The following CADM2 variants were observed in gnomAD, a reference collection of about 807,000 sequenced individuals.
The protein encoded by CADM2 is cell adhesion molecule 2.
A neutral mutation model predicts 49.8 loss-of-function variants in CADM2; 12 were observed. That is an observed-to-expected ratio of 0.24 (90% CI 0.15 to 0.39). CADM2 has a LOEUF of 0.39. CADM2 is among the 10% of genes least tolerant of loss of function. CADM2 has a pLI of 1.00. For synonymous variants in CADM2, 214 were observed against 175.4 expected, an observed-to-expected ratio of 1.22 and a Z score of -1.74; for missense variants, 378 against 492.3, an observed-to-expected ratio of 0.77 and a Z score of 2.20.
intron 1 of CADM2, among the ~76,000 whole-genome samples, chr3:85,658,574 G>GTCTA (rs1553656698): frequency 1.8e-5 from 1 of 55,498 alleles, no homozygotes; most frequent in Non-Finnish European, 3.2e-5. Context: ...TTGGATATAT[G>GTCTA]TGTATATATA....
At chr3:85,385,413 C>T (rs2034165824) in intron 1 of CADM2, among the ~76,000 whole-genome samples, 1 of 152,106 alleles carries the variant, frequency 6.6e-6, no homozygotes, top group Non-Finnish European at 1.5e-5. Context: ...ATAGACATGG[C>T]TCATTTGTTA....
At chr3:84,963,766 C>T (rs961898690) in intron 1 of CADM2, among the ~76,000 whole-genome samples, 7 of 152,158 alleles carry the variant, frequency 4.6e-5, no homozygotes, top group African/African-American at 1.7e-4. Context: ...ATCTTATATA[C>T]ACTTAATGAA....
Position 85,919,994 on chromosome 3 carries a change from G to A in CADM2, c.700+7451G>A, listed in dbSNP as rs1718884639. ...TCTTGGCTGTTGTCCTTTTTCACTTGTAAAAAGTAATAAAGTTCTTATCTA... is the reference window on the plus strand; with the variant it reads ...TCTTGGCTGTTGTCCTTTTTCACTTATAAAAAGTAATAAAGTTCTTATCTA... On this transcript the variant is annotated intron_variant, in intron 6 of 9. Transcript: ENST00000383699. Among the ~76,000 whole-genome samples, 3 of 151,762 alleles carry A rather than the reference G, an allele frequency of 2.0e-5. No individual in the cohort carries two copies. In the South Asian group the frequency reaches 6.2e-4, roughly 31 times the overall value.
intron 1 of CADM2, among the ~76,000 whole-genome samples, chr3:84,967,548 AT>A (rs2031094347): frequency 1.3e-5 from 2 of 152,110 alleles, no homozygotes; most frequent in Non-Finnish European, 2.9e-5. Flanking sequence ...TTTTTATTTA[AT>A]TGCCATTTCT....
intron 8 of CADM2, among the ~76,000 whole-genome samples, chr3:86,056,079 A>T (rs1375180989): frequency 6.6e-6 from 1 of 152,208 alleles, no homozygotes; most frequent in African/African-American, 2.4e-5. Context: ...GATCACCTAG[A>T]TAGCCTTTAA....
At chr3:85,734,605 A>T (rs907903483) in intron 2 of CADM2, among the ~76,000 whole-genome samples, 3 of 148,682 alleles carry the variant, frequency 2.0e-5, no homozygotes, top group African/African-American at 7.3e-5. Context: ...ATATACATAC[A>T]TATATGTATA....
chr3:85,145,163 T>C (rs1463081381), intron 1 of CADM2, among the ~76,000 whole-genome samples: 1 of 152,228 alleles, frequency 6.6e-6, no homozygotes, highest in Non-Finnish European at 1.5e-5. Flanking sequence ...AAAGGTTTAA[T>C]TCAATTTAAT....
chr3:86,051,554 T>G, intron 8 of CADM2, among the ~76,000 whole-genome samples: 1 of 152,292 alleles, frequency 6.6e-6, no homozygotes, highest in East Asian at 1.9e-4. Flanking sequence ...TAGTCTGTTA[T>G]AGCATTGCTA....
chr3:85,538,503 A>G (rs1207517476), intron 1 of CADM2, among the ~76,000 whole-genome samples: 1 of 152,160 alleles, frequency 6.6e-6, no homozygotes, highest in Non-Finnish European at 1.5e-5. Flanking sequence ...GAAAGAGGAA[A>G]GAGACTGCTT....
intron 3 of CADM2, among the ~76,000 whole-genome samples, chr3:85,850,975 G>A (rs116450426): frequency 9.1e-4 from 139 of 152,188 alleles, no homozygotes; most frequent in African/African-American, 3.2e-3. Flanking sequence ...TATTTTGGGA[G>A]GAAGGGTCTT....
chr3:85,601,402 A>G (rs1268299094), intron 1 of CADM2, among the ~76,000 whole-genome samples: 1 of 151,068 alleles, frequency 6.6e-6, no homozygotes, highest in Non-Finnish European at 1.5e-5. Context: ...ATGACCCATT[A>G]TATTGTAATC....
chr3:85,787,489 A>G (rs1167055752), intron 2 of CADM2, among the ~76,000 whole-genome samples: 3 of 152,068 alleles, frequency 2.0e-5, no homozygotes, highest in Admixed American at 2.0e-4. Flanking sequence ...GACAAGGGGT[A>G]TTGGTTCCAG....
intron 1 of CADM2, among the ~76,000 whole-genome samples, chr3:85,152,048 T>C (rs1684287372): frequency 6.6e-6 from 1 of 152,168 alleles, no homozygotes; most frequent in Non-Finnish European, 1.5e-5. Flanking sequence ...AATCCAAATT[T>C]CTATATATCA....
chr3:85,925,232 A>G (rs1577678974), intron 6 of CADM2, among the ~76,000 whole-genome samples: 1 of 152,306 alleles, frequency 6.6e-6, no homozygotes, highest in East Asian at 1.9e-4. Flanking sequence ...TGAACTATAT[A>G]TAATTTATCT....
chr3:85,606,147 C>CT (rs899294224), intron 1 of CADM2, among the ~76,000 whole-genome samples: 4 of 152,004 alleles, frequency 2.6e-5, no homozygotes, highest in Non-Finnish European at 5.9e-5. Flanking sequence ...TTGGAACAAC[C>CT]TTTTTTATTA....
chr3:85,142,661 A>G (rs925189166), intron 1 of CADM2, among the ~76,000 whole-genome samples: 1 of 152,230 alleles, frequency 6.6e-6, no homozygotes, highest in Non-Finnish European at 1.5e-5. Flanking sequence ...ATAAATTGCA[A>G]CAAATTTAGG....
chr3:85,896,418 G>A (rs375322525), intron 5 of CADM2, among the ~76,000 whole-genome samples: 2 of 152,086 alleles, frequency 1.3e-5, no homozygotes, highest in African/African-American at 2.4e-5. Context: ...TCTGCCATTC[G>A]GTAATAAGAA....
At chr3:85,535,982 A>T (rs1189609961) in intron 1 of CADM2, among the ~76,000 whole-genome samples, 7 of 152,110 alleles carry the variant, frequency 4.6e-5, no homozygotes, top group African/African-American at 1.4e-4. Context: ...TAAAGAGAAT[A>T]AAACTTTGGG....
chr3:85,372,209 A>G (rs1164739379), intron 1 of CADM2, among the ~76,000 whole-genome samples: 1 of 152,026 alleles, frequency 6.6e-6, no homozygotes, highest in African/African-American at 2.4e-5. Flanking sequence ...ACCCAAATAT[A>G]TTTTGACAAT....
Sources: allele counts gnomAD v4.1 joint callset (sites outside exome capture counted in the v4.1 genomes callset), GRCh38; gene constraint gnomAD v4.1.1; transcripts MANE v1.5; gene names NCBI Gene and HGNC (gene_info 2026-07-23, HGNC 2026-07-21).